Variants in METTL15 observed in about 807,000 individuals in gnomAD.
METTL15 encodes the protein methyltransferase 15, mitochondrial 12S rRNA N4-cytidine.
In METTL15, 34 loss-of-function variants were observed where a neutral mutation model predicts 38.3. The ratio of observed to expected loss-of-function variants is 0.89; its 90% CI spans 0.68 to 1.18. The LOEUF is 1.18. Among genes scored for constraint, METTL15 ranks in the 50% most tolerant of loss-of-function variants. The probability of loss-of-function intolerance (pLI) is 0.00; values close to 1 mark genes in which losing one functional copy is unlikely to be tolerated. For synonymous variants in METTL15, 162 were observed against 170.9 expected (o/e 0.95, Z 0.41); for missense variants, 438 against 498.4 (o/e 0.88, Z 1.15).
intron 6 of METTL15, among the ~76,000 whole-genome samples, chr11:28,501,048 T>C (rs931242164): frequency 6.6e-6 from 1 of 152,218 alleles, no homozygotes; most frequent in African/African-American, 2.4e-5. Context: ...TATTCTCATA[T>C]TCCCACTATC....
chr11:28,375,830 T>C (rs1850304292), intron 5 of METTL15, among the ~76,000 whole-genome samples: 1 of 151,922 alleles, frequency 6.6e-6, no homozygotes, highest in South Asian at 2.1e-4. Flanking sequence ...CTCTACACAC[T>C]GCTTTGAATG....
chr11:28,226,809 CTT>C (rs1853497643), intron 4 of METTL15, among the ~76,000 whole-genome samples: 1 of 151,826 alleles, frequency 6.6e-6, no homozygotes, highest in Non-Finnish European at 1.5e-5. Context: ...AAAATTTAGA[CTT>C]TTAGGATTAG....
At chr11:28,122,755 A>G (rs1465746320) in intron 3 of METTL15, among the ~76,000 whole-genome samples, 1 of 151,684 alleles carries the variant, frequency 6.6e-6, no homozygotes, top group Non-Finnish European at 1.5e-5. Flanking sequence ...AATTCTCTTT[A>G]TTTGAATTGT....
chr11:28,128,596 A>G (rs762685450), intron 3 of METTL15, among the ~76,000 whole-genome samples: 22 of 152,134 alleles, frequency 1.4e-4, no homozygotes, highest in Non-Finnish European at 2.8e-4. Context: ...GACATTTTAT[A>G]TGAATCTTTC....
chr11:28,201,286 G>A (rs1453902873), intron 3 of METTL15, among the ~76,000 whole-genome samples: 2 of 152,008 alleles, frequency 1.3e-5, no homozygotes, highest in African/African-American at 2.4e-5. Context: ...TGCTGGATTT[G>A]GTTTGCCAGT....
At chr11:28,502,483 G>A (rs1851593005) in intron 6 of METTL15, among the ~76,000 whole-genome samples, 1 of 152,082 alleles carries the variant, frequency 6.6e-6, no homozygotes, top group Non-Finnish European at 1.5e-5. Context: ...CCACCTTCAG[G>A]TTTACATTAC....
chr11:28,161,664 TGTC>T (rs1163425944), intron 3 of METTL15, among the ~76,000 whole-genome samples: 4 of 152,104 alleles, frequency 2.6e-5, no homozygotes, highest in Non-Finnish European at 5.9e-5. Flanking sequence ...TTGTCTAGGT[TGTC>T]GTAAAGGGTG....
intron 6 of METTL15, among the ~76,000 whole-genome samples, chr11:28,321,138 T>C (rs1849453589): frequency 6.6e-6 from 1 of 152,180 alleles, no homozygotes; most frequent in African/African-American, 2.4e-5. Flanking sequence ...TACTCCATTT[T>C]ACAACTGAGA....
intron 5 of METTL15, among the ~76,000 whole-genome samples, chr11:28,374,982 A>T (rs1046159127): frequency 6.6e-6 from 1 of 151,452 alleles, no homozygotes; most frequent in Non-Finnish European, 1.5e-5. Flanking sequence ...TGATTTGCAT[A>T]TATTGAACCA....
chr11:28,505,133 T>C (rs547774354), intron 6 of METTL15, among the ~76,000 whole-genome samples: 5 of 152,312 alleles, frequency 3.3e-5, no homozygotes, highest in Admixed American at 6.5e-5. Flanking sequence ...AGGTGATAAC[T>C]AGAATTTTTG....
intron 6 of METTL15, among the ~76,000 whole-genome samples, chr11:28,446,746 G>A (rs954163135): frequency 2.0e-5 from 3 of 152,002 alleles, no homozygotes; most frequent in African/African-American, 7.2e-5. Context: ...ATAAAATAAT[G>A]AATGTTTATT....
chr11:28,493,252 T>C (rs1390991436), intron 6 of METTL15, among the ~76,000 whole-genome samples: 3 of 152,074 alleles, frequency 2.0e-5, no homozygotes, highest in Non-Finnish European at 2.9e-5. Context: ...ATTGTTAAGT[T>C]TGGGAGTCTT....
chr11:28,301,440 G>A (rs1856910508), intron 6 of METTL15, among the ~76,000 whole-genome samples: 1 of 151,950 alleles, frequency 6.6e-6, no homozygotes, highest in Admixed American at 6.6e-5. Flanking sequence ...CACTTATTAT[G>A]CTGTATCTTA....
intron 3 of METTL15, among the ~76,000 whole-genome samples, chr11:28,150,100 G>A (rs1057006261): frequency 6.6e-6 from 1 of 151,892 alleles, no homozygotes; most frequent in Non-Finnish European, 1.5e-5. Flanking sequence ...CTCAGATTAG[G>A]TTTGAAAGGT....
intron 4 of METTL15, among the ~76,000 whole-genome samples, chr11:28,267,031 A>G (rs1459957430): frequency 4.6e-5 from 7 of 151,892 alleles, no homozygotes; most frequent in Non-Finnish European, 1.0e-4. Flanking sequence ...GTGGTGGTGG[A>G]CACTTGTAAT....
chr11:28,360,792 G>A (rs11030294), intron 4 of METTL15, among the ~76,000 whole-genome samples: 138,645 of 138,742 alleles, frequency 1, 69,274 homozygotes, highest in Middle Eastern at 1. Flanking sequence ...ATATCTCCCA[G>A]TGCTATTCCT....
At chr11:28,121,040 A>T (rs1470923741) in intron 3 of METTL15, among the ~76,000 whole-genome samples, 1 of 152,000 alleles carries the variant, frequency 6.6e-6, no homozygotes, top group Non-Finnish European at 1.5e-5. Context: ...CATTCCAATT[A>T]TATTATTTTA....
chr11:28,209,806 GA>G (rs1375751354), intron 3 of METTL15, among the ~76,000 whole-genome samples: 1 of 151,886 alleles, frequency 6.6e-6, no homozygotes, highest in African/African-American at 2.4e-5. Flanking sequence ...TCAGAGCATG[GA>G]AATATATTCA....
chr11:28,174,360 T>C (rs1000487436), intron 3 of METTL15, among the ~76,000 whole-genome samples: 20 of 152,238 alleles, frequency 1.3e-4, no homozygotes, highest in Non-Finnish European at 1.5e-5. Context: ...TGCATTTTAT[T>C]ATAACCAAGG....
Sources: gnomAD v4.1 joint callset for allele counts (sites outside exome capture counted in the v4.1 genomes callset) on GRCh38, gnomAD v4.1.1 for gene constraint, MANE v1.5 for transcripts, NCBI Gene and HGNC (gene_info 2026-07-23, HGNC 2026-07-21) for gene names.